Variants in SUFU observed in about 807,000 individuals in gnomAD.
SUFU encodes the protein SUFU negative regulator of hedgehog signaling.
SUFU carries 7 observed loss-of-function variants against 58.9 expected under a neutral mutation model. The observed-to-expected ratio is 0.12, with a 90% CI of 0.07 to 0.22. The LOEUF is 0.22. SUFU is among the 10% of genes least tolerant of loss of function. The pLI is 1.00. For missense variants in SUFU, 451 were observed against 641.3 expected, an observed-to-expected ratio of 0.70 and a Z score of 3.20; for synonymous variants, 232 against 254.8, an observed-to-expected ratio of 0.91 and a Z score of 0.85.
chr10:102,525,385 T>C (rs941144332), intron 2 of SUFU, among the ~76,000 whole-genome samples: 1 of 152,054 alleles, frequency 6.6e-6, no homozygotes, highest in African/African-American at 2.4e-5. Flanking sequence ...GCTGAGATTA[T>C]AAGCATGAGC....
intron 4 of SUFU, among the ~76,000 whole-genome samples, chr10:102,593,236 A>G (rs2063422654): frequency 6.6e-6 from 1 of 152,202 alleles, no homozygotes; most frequent in Non-Finnish European, 1.5e-5. Context: ...TCCAAGCCTG[A>G]TAGGTCTCAA....
At chr10:102,533,191 C>T (rs2062695804) in intron 2 of SUFU, among the ~76,000 whole-genome samples, 1 of 152,072 alleles carries the variant, frequency 6.6e-6, no homozygotes, top group South Asian at 2.1e-4. Context: ...AAAAAATTAC[C>T]ACAAAATTAG....
intron 3 of SUFU, among the ~76,000 whole-genome samples, chr10:102,577,017 C>T (rs919515074): frequency 2.6e-5 from 4 of 151,858 alleles, no homozygotes; most frequent in Non-Finnish European, 4.4e-5. Context: ...GGTTTTCATT[C>T]CTGATTTAAC....
Position 102,629,181 on chromosome 10 carries a change from T to C in SUFU, c.1366-885T>C, listed in dbSNP as rs1160807711. On this transcript the variant is annotated intron_variant, in intron 11 of 11. Transcript: ENST00000369902. The surrounding 1 kb of genome is among the most constrained non-coding windows in gnomAD (Gnocchi z 4.7). ...CAAAAGAAAAAGAAAAGACAGACCC[T>C]GTGTCTAAGTTCCGGTATCAGTCCC... Among the ~76,000 whole-genome samples the C allele has an allele frequency of 6.6e-6, 1 of 152,162 alleles. No individual in the cohort carries two copies. The highest frequency in any genetic ancestry group is 2.4e-5 in the African/African-American group (1 of 41,424).
chr10:102,604,996 A>G (rs182234414), intron 8 of SUFU, among the ~76,000 whole-genome samples: 101 of 144,218 alleles, frequency 7.0e-4, no homozygotes, highest in African/African-American at 2.5e-3. Context: ...CAGTGGCACA[A>G]TCTCGGCTTA....
intron 2 of SUFU, among the ~76,000 whole-genome samples, chr10:102,542,442 A>G (rs2062812829): frequency 6.9e-6 from 1 of 145,620 alleles, no homozygotes; most frequent in Non-Finnish European, 1.5e-5. Context: ...ATATATATAT[A>G]TATTTTTTTT....
At position 102,589,442 on chromosome 10, in the gene SUFU, C is replaced by CTTTTTTTTTTTTTTTTTTTTTT. The variant is rs747625757; in HGVS notation, c.455-3119_455-3118insTTTTTTTTTTTTTTTTTTTTTT. Among the ~76,000 whole-genome samples, 4 of 65,358 alleles carry CTTTTTTTTTTTTTTTTTTTTTT rather than the reference C, an allele frequency of 6.1e-5. 1 individual carries two copies. Among genetic ancestry groups the CTTTTTTTTTTTTTTTTTTTTTT allele is most frequent in the Non-Finnish European group, 7.8e-5 (3 of 38,704 alleles). 42.9% of individuals were successfully genotyped at this position (65,358 alleles called of 152,430 possible). On this transcript the variant is annotated intron_variant, in intron 3 of 11. Transcript: ENST00000369902. The stretch of plus-strand genomic sequence containing the variant: ...CAATCTGGAAGTATTTTCTTTCTTT[C>CTTTTTTTTTTTTTTTTTTTTTT]TTTTTTTTTTTTTTTTTTTTTGAGA...
intron 8 of SUFU, among the ~76,000 whole-genome samples, chr10:102,604,652 ACT>A (rs2135902474): frequency 1.3e-5 from 2 of 152,288 alleles, no homozygotes; most frequent in East Asian, 3.9e-4. Context: ...AAAGGAAATG[ACT>A]CAGTGTCTCA....
chr10:102,623,872 G>A (rs549639762), intron 10 of SUFU, among the ~76,000 whole-genome samples: 9 of 152,226 alleles, frequency 5.9e-5, no homozygotes, highest in South Asian at 2.1e-4. Context: ...CCCAGGAGGC[G>A]GAGGTTGCAA....
intron 3 of SUFU, among the ~76,000 whole-genome samples, chr10:102,572,302 C>T (rs2063170119): frequency 6.6e-6 from 1 of 150,520 alleles, no homozygotes; most frequent in Non-Finnish European, 1.5e-5. Context: ...TCTGGAACTC[C>T]TGACCTCAGG....
At chr10:102,596,408 C>G (rs565851415) in intron 6 of SUFU, among the ~76,000 whole-genome samples, 1 of 152,268 alleles carries the variant, frequency 6.6e-6, no homozygotes, top group South Asian at 2.1e-4. Flanking sequence ...TTCCTTGAAG[C>G]CATTTGGAGA....
chr10:102,555,037 G>A (rs1012804156), intron 3 of SUFU, among the ~76,000 whole-genome samples: 1 of 152,124 alleles, frequency 6.6e-6, no homozygotes, highest in Non-Finnish European at 1.5e-5. Flanking sequence ...GGGAGGCCGA[G>A]GCGGGCGAAT....
chr10:102,616,463 C>G (rs1485590064), intron 9 of SUFU, among the ~76,000 whole-genome samples: 1 of 152,208 alleles, frequency 6.6e-6, no homozygotes, highest in Non-Finnish European at 1.5e-5. Context: ...GAGCAAATGG[C>G]CAGAATGAAC....
At chr10:102,580,021 T>TCCCCCTCC (rs1247239797) in intron 3 of SUFU, among the ~76,000 whole-genome samples, 1 of 28,744 alleles carries the variant, frequency 3.5e-5, no homozygotes, top group Non-Finnish European at 6.7e-5. Context: ...TTGGGTCTCC[T>TCCCCCTCC]CCCCCGCACC....
At chr10:102,603,099 GTC>G (rs2063529409) in intron 8 of SUFU, among the ~76,000 whole-genome samples, 1 of 152,162 alleles carries the variant, frequency 6.6e-6, no homozygotes, top group Non-Finnish European at 1.5e-5. Context: ...ACGGAGTCTG[GTC>G]TCTCTACAGT....
chr10:102,504,145 G>T lies in SUFU; in HGVS notation c.-8G>T, dbSNP rs1312898513. Reference sequence around the variant, plus strand: ...CCAGTTCCCCCAGTGCCTGCCCTACGCACCCCGATGGCGGAGCTGCGGCCT... The same window carrying T: ...CCAGTTCCCCCAGTGCCTGCCCTACTCACCCCGATGGCGGAGCTGCGGCCT... On this transcript the variant is annotated 5_prime_UTR_variant, in exon 1 of 12. Transcript: ENST00000369902. 2.6e-6 allele frequency: 4 copies of T among 1,539,352 alleles called. No individual in the cohort carries two copies. The highest frequency in any genetic ancestry group is 3.5e-6 in the Non-Finnish European group (4 of 1,144,966).
chr10:102,577,677 G>A (rs1464827646), intron 3 of SUFU, among the ~76,000 whole-genome samples: 1 of 140,192 alleles, frequency 7.1e-6, no homozygotes, highest in Non-Finnish European at 1.5e-5. Flanking sequence ...ATAGGACTAC[G>A]AGTTGTTTTT....
intron 2 of SUFU, among the ~76,000 whole-genome samples, chr10:102,511,130 A>AG (rs1414527174): frequency 7.6e-6 from 1 of 131,314 alleles, no homozygotes; most frequent in Non-Finnish European, 1.6e-5. Flanking sequence ...TCAAAAAAAA[A>AG]AAAAAAAGTA....
chr10:102,592,815 G>A (rs1025430919), intron 4 of SUFU, 91 bp downstream of exon 4: 9 of 1,486,140 alleles, frequency 6.1e-6, no homozygotes, highest in South Asian at 1.1e-5. Flanking sequence ...TGAAGGGAGT[G>A]GGAGGTTTCC....
Sources: gnomAD v4.1 joint callset for allele counts (sites outside exome capture counted in the v4.1 genomes callset) on GRCh38, gnomAD v4.1.1 for gene constraint, Gnocchi (gnomAD v3.1) non-coding constraint, MANE v1.5 for transcripts, NCBI Gene and HGNC (gene_info 2026-07-23, HGNC 2026-07-21) for gene names.